Variants in SCIN observed in about 807,000 individuals in gnomAD.
The protein encoded by SCIN is scinderin.
A neutral mutation model predicts 91.8 loss-of-function variants in SCIN; 91 were observed. The observed-to-expected ratio is 0.99, with a 90% CI of 0.84 to 1.18. SCIN has a LOEUF of 1.18. Ranked by LOEUF, SCIN falls within the 50% of genes most tolerant of loss-of-function variation. The pLI is 0.00. For missense variants in SCIN, 1,087 were observed against 863.9 expected (o/e 1.26, Z -3.24); for synonymous variants, 367 against 312.6 (o/e 1.17, Z -1.84).
rs1249240624 is a variant in SCIN, at chr7:12,625,013, T to C, written c.763T>C (p.Ser255Pro). The change falls in exon 6 of 16, where the codon TCA becomes CCA. Residue 255 changes from serine to proline, a missense_variant. Ser to Pro is a moderately conservative substitution (Grantham distance 74, BLOSUM62 -1). Coordinates refer to ENST00000297029, the MANE Select transcript of SCIN (RefSeq NM_001112706.3). ...NRKMAKLYMV[S>P]DASGSMRVTV... Reference sequence around the variant, plus strand: ...GAGGTCATGGTTTTTATATTAGGTTTCAGATGCAAGTGGCTCCATGAGAGT... The same window carrying C: ...GAGGTCATGGTTTTTATATTAGGTTCCAGATGCAAGTGGCTCCATGAGAGT... 3 of 1,555,784 alleles carry C rather than the reference T, an allele frequency of 1.9e-6. No homozygotes were observed. Among genetic ancestry groups the C allele is most frequent in the Non-Finnish European group, 2.6e-6 (3 of 1,148,906 alleles).
chr7:12,625,936 T>A, intron 7 of SCIN, 86 bp downstream of exon 7: 1 of 880,774 alleles, frequency 1.1e-6, no homozygotes, highest in Non-Finnish European at 1.8e-6. Context: ...AAAGTTTGGG[T>A]CAAAGTAACG....
chr7:12,594,658 G>C (rs557891933), intron 3 of SCIN, among the ~76,000 whole-genome samples: 4 of 152,100 alleles, frequency 2.6e-5, no homozygotes, highest in Non-Finnish European at 5.9e-5. Context: ...TCTTGGGAGG[G>C]GTAGACTGAG....
At chr7:12,613,386 A>G (rs1039450566) in intron 4 of SCIN, among the ~76,000 whole-genome samples, 10 of 152,188 alleles carry the variant, frequency 6.6e-5, no homozygotes, top group Non-Finnish European at 1.5e-5. Flanking sequence ...AATAGTATTT[A>G]CTTCGTATCA....
intron 3 of SCIN, among the ~76,000 whole-genome samples, chr7:12,602,635 C>A (rs1037435233): frequency 6.6e-6 from 1 of 151,962 alleles, no homozygotes; most frequent in African/African-American, 2.4e-5. Context: ...TATTAATATT[C>A]CTTGCTAGGA....
intron 7 of SCIN, 41 bp downstream of exon 7, chr7:12,625,891 A>C: frequency 7.0e-7 from 1 of 1,422,230 alleles, no homozygotes; most frequent in Non-Finnish European, 9.8e-7. Flanking sequence ...AATAGAAAAC[A>C]TTGGAGCTCA....
At chr7:12,626,838 C>T in intron 8 of SCIN, 39 bp downstream of exon 8, 1 of 1,526,646 alleles carries the variant, frequency 6.6e-7, no homozygotes, top group African/African-American at 1.4e-5. Flanking sequence ...CCCATTAATG[C>T]CAGTGTATGT....
intron 4 of SCIN, among the ~76,000 whole-genome samples, chr7:12,608,323 A>G (rs1226254703): frequency 4.2e-5 from 2 of 47,360 alleles, no homozygotes; most frequent in Non-Finnish European, 1.0e-4. Flanking sequence ...GCACACATGC[A>G]CACACACACA....
intron 1 of SCIN, among the ~76,000 whole-genome samples, chr7:12,575,772 C>T (rs187198813): frequency 2.6e-5 from 4 of 151,938 alleles, no homozygotes; most frequent in Admixed American, 2.0e-4. Context: ...TAGGGGAAAA[C>T]TAAACTGATT....
intron 10 of SCIN, among the ~76,000 whole-genome samples, chr7:12,637,748 C>T (rs552698326): frequency 8.3e-4 from 126 of 151,904 alleles, no homozygotes; most frequent in Non-Finnish European, 8.7e-4. Context: ...AATTACTTGT[C>T]GAGAATGACT....
chr7:12,634,819 G>A (rs780375311), intron 9 of SCIN, among the ~76,000 whole-genome samples: 11 of 152,178 alleles, frequency 7.2e-5, no homozygotes, highest in Non-Finnish European at 1.6e-4. Flanking sequence ...GAGAGGCTAC[G>A]AATGAACTGG....
chr7:12,643,562 A>G (rs1387176787), intron 11 of SCIN, among the ~76,000 whole-genome samples: 8 of 152,096 alleles, frequency 5.3e-5, no homozygotes, highest in Non-Finnish European at 1.0e-4. Context: ...AAAACTTCCA[A>G]CAGCCATTCC....
chr7:12,636,163 A>C, intron 10 of SCIN, 28 bp downstream of exon 10: 64 of 1,554,062 alleles, frequency 4.1e-5, no homozygotes, highest in Non-Finnish European at 5.1e-5. Context: ...CCCAAAACTC[A>C]CACAAGTTAA....
chr7:12,646,274 G>A (rs1783963930), intron 13 of SCIN, among the ~76,000 whole-genome samples: 1 of 152,178 alleles, frequency 6.6e-6, no homozygotes, highest in South Asian at 2.1e-4. Flanking sequence ...TCATGGTTCT[G>A]AAGGCTGAGA....
Position 12,651,759 on chromosome 7 carries a change from G to A in SCIN, c.1960-82G>A, listed in dbSNP as rs1784083416. 1 of 817,182 alleles carries A rather than the reference G, an allele frequency of 1.2e-6. No individual in the cohort carries two copies. Among genetic ancestry groups the A allele is most frequent in the Non-Finnish European group, 2.0e-6 (1 of 498,922 alleles). 50.6% of individuals were successfully genotyped at this position (817,182 alleles called of 1,614,324 possible). On this transcript the variant is annotated intron_variant, in intron 14 of 15. Coordinates refer to ENST00000297029, the MANE Select transcript of SCIN (RefSeq NM_001112706.3). The surrounding 1 kb of genome is among the most constrained non-coding windows in gnomAD (Gnocchi z 5.9). ...ATTGTGAAGATTGAATGAGCAATGT[G>A]TGTGTGAAGCACTTTACATAGGGCC...
rs778374216 is a variant in SCIN at position 12,649,497 on chromosome 7, G to C, written c.1912G>C (p.Asp638His). Reference sequence around the variant, plus strand: ...AGAGATTCCAGGAGAGTTCACCCAGGATGATTTAGCTGAAGATGATGTCAT... The same window carrying C: ...AGAGATTCCAGGAGAGTTCACCCAGCATGATTTAGCTGAAGATGATGTCAT... ...IEEIPGEFTQ[D>H]DLAEDDVMLL... The change falls in exon 14 of 16, where the codon GAT becomes CAT. Residue 638 changes from aspartate (D) to histidine (H), a missense_variant. Asp to His is a moderately conservative substitution (Grantham distance 81). Transcript: ENST00000297029. 6.2e-7 allele frequency: 1 copy of C among 1,603,024 alleles called. No homozygotes were observed. Among genetic ancestry groups the C allele is most frequent in the African/African-American group, 1.3e-5 (1 of 74,788 alleles).
chr7:12,616,608 T>C (rs572735466), intron 4 of SCIN, among the ~76,000 whole-genome samples: 3 of 152,256 alleles, frequency 2.0e-5, no homozygotes, highest in African/African-American at 7.2e-5. Flanking sequence ...GGATCAAAGC[T>C]AACCTGTTAA....
intron 3 of SCIN, among the ~76,000 whole-genome samples, chr7:12,590,694 C>A (rs182585717): frequency 1.3e-5 from 2 of 151,950 alleles, no homozygotes; most frequent in Admixed American, 6.6e-5. Context: ...GCCTCATCGG[C>A]CTTTCTGTTG....
intron 9 of SCIN, among the ~76,000 whole-genome samples, chr7:12,630,529 C>A (rs938339807): frequency 3.3e-4 from 51 of 152,308 alleles, no homozygotes; most frequent in African/African-American, 1.2e-3. Flanking sequence ...ACCACCACAT[C>A]GGTGTGAACC....
intron 4 of SCIN, among the ~76,000 whole-genome samples, chr7:12,612,156 A>G (rs1421881108): frequency 6.6e-6 from 1 of 152,088 alleles, no homozygotes; most frequent in African/African-American, 2.4e-5. Context: ...TTATTTTCCT[A>G]TGACTTTTTG....
Sources: gnomAD v4.1 joint callset for allele counts (sites outside exome capture counted in the v4.1 genomes callset) on GRCh38, gnomAD v4.1.1 for gene constraint, Gnocchi (gnomAD v3.1) non-coding constraint, MANE v1.5 for transcripts, NCBI Gene and HGNC (gene_info 2026-07-23, HGNC 2026-07-21) for gene names.